Variants in CIBAR2 observed in about 807,000 individuals in gnomAD.
The protein encoded by CIBAR2 is CBY1 interacting BAR domain containing 2.
A neutral mutation model predicts 36.2 loss-of-function variants in CIBAR2; 38 were observed. The observed-to-expected ratio is 1.05, with a 90% CI of 0.81 to 1.38. CIBAR2 has a LOEUF of 1.38. CIBAR2 is among the 40% of genes most tolerant of loss of function. The pLI is 0.00. For synonymous variants in CIBAR2, 182 were observed against 149.5 expected (o/e 1.22, Z -1.58); for missense variants, 481 against 383.4 (o/e 1.25, Z -2.13).
intron 5 of CIBAR2, 91 bp from the exon 6 acceptor site, chr16:85,105,522 C>G: frequency 1.1e-6 from 1 of 926,794 alleles, no homozygotes; most frequent in East Asian, 2.5e-5. Context: ...CTAAACCCTT[C>G]TCTCAGGCCA....
At chr16:85,106,628 G>A (rs915021131) in intron 5 of CIBAR2, among the ~76,000 whole-genome samples, 12 of 152,196 alleles carry the variant, frequency 7.9e-5, no homozygotes, top group East Asian at 1.9e-4. Context: ...TGGAAAAGGC[G>A]AGGGCGCAGA....
At chr16:85,108,801 A>G (rs1481608369) in intron 2 of CIBAR2, among the ~76,000 whole-genome samples, 2 of 152,140 alleles carry the variant, frequency 1.3e-5, no homozygotes, top group Non-Finnish European at 2.9e-5. Flanking sequence ...TTGAACCTGC[A>G]AGGCTGGAGG....
chr16:85,105,197 A>C, intron 6 of CIBAR2, 130 bp downstream of exon 6: 1 of 557,804 alleles, frequency 1.8e-6, no homozygotes, highest in Non-Finnish European at 3.2e-6. Flanking sequence ...CACGCCTTCC[A>C]GTGCTCACAC....
In CIBAR2 at chr16:85,100,119, TCACCCACCCA is replaced by T; in HGVS notation, c.753+10_753+19del. The T allele has an allele frequency of 6.3e-7, 1 of 1,593,730 alleles. No individual in the cohort carries two copies. Among genetic ancestry groups the T allele is most frequent in the South Asian group, 1.1e-5 (1 of 88,244 alleles). ...TGCACGACATTTTAGGTGTAACCCC[TCACCCACCCA>T]CACGCTCACCTGGCTGGCGAGAGAC... On this transcript the variant is annotated intron_variant, in intron 8 of 8. Transcript: ENST00000539556.
chr16:85,104,208 G>A (rs919082451), intron 6 of CIBAR2, among the ~76,000 whole-genome samples: 5 of 152,232 alleles, frequency 3.3e-5, no homozygotes, highest in Admixed American at 3.3e-4. Flanking sequence ...GGCACCGACT[G>A]GACGCAGATC....
rs2074009654 is a variant in CIBAR2 at position 85,107,930 on chromosome 16, G to C, written c.342C>G (p.Phe114Leu). ...IKQTRAEIKK[F>L]KHVQNHEIKQ... Reference sequence around the variant, plus strand: ...TGATCTCATGATTTTGGACATGTTTGAATTTCTTGATCTCAGCCTGCAGAA... The same window carrying C: ...TGATCTCATGATTTTGGACATGTTTCAATTTCTTGATCTCAGCCTGCAGAA... The change falls in exon 4 of 9, where the codon TTC becomes TTG. Residue 114 changes from phenylalanine to leucine, a missense_variant. Coordinates refer to ENST00000539556, the MANE Select transcript of CIBAR2 (RefSeq NM_198491.3). 2 of 1,614,114 alleles carry C rather than the reference G, an allele frequency of 1.2e-6. No homozygotes were observed. The highest frequency in any genetic ancestry group is 1.7e-6 in the Non-Finnish European group (2 of 1,179,942).
rs539711201 is a variant in CIBAR2, at chr16:85,099,368, T to C, written c.754-22A>G. 10 of 1,323,422 alleles carry C rather than the reference T, an allele frequency of 7.6e-6. 1 individual carries two copies. Among genetic ancestry groups the C allele is most frequent in the Non-Finnish European group, 9.8e-6 (9 of 914,900 alleles). 82.0% of individuals were successfully genotyped at this position (1,323,422 alleles called of 1,614,324 possible). ...TTCCCTGCAGAAATATAAATGCACC[T>C]GATGGCAGGCCTTCCTGGGGCTGTA... On this transcript the variant is annotated intron_variant, in intron 8 of 8. Transcript: ENST00000539556.
intron 7 of CIBAR2, among the ~76,000 whole-genome samples, chr16:85,101,522 C>A (rs886934003): frequency 6.6e-6 from 1 of 152,056 alleles, no homozygotes; most frequent in South Asian, 2.1e-4. Context: ...ACTAGGCTTG[C>A]GGAAGGGTGT....
rs143063631 is a variant in CIBAR2 at position 85,110,404 on chromosome 16, C to T, written c.77G>A (p.Gly26Glu). ...GGCGGCCAGCAGCGAGCAGAACTGC[C>T]CAAAGTACTTCTCGGTGTTGGCCAC... ...NTVANTEKYF[G>E]QFCSLLAAYT... Residue 26 changes from glycine (G) to glutamate (E), a missense_variant, in exon 2 of 9, where the codon GGG (glycine) becomes GAG (glutamate). By Grantham distance (98) the Gly-to-Glu change is moderately conservative (BLOSUM62 -2). Transcript: ENST00000539556. 8.0e-5 allele frequency: 129 copies of T among 1,613,240 alleles called. No homozygotes were observed. In the African/African-American group the frequency reaches 1.6e-3, roughly 20 times the overall value.
intron 2 of CIBAR2, among the ~76,000 whole-genome samples, chr16:85,108,307 C>T (rs149393990): frequency 2.6e-4 from 40 of 152,330 alleles, no homozygotes; most frequent in African/African-American, 8.9e-4. Flanking sequence ...GCTCCAGCAA[C>T]GCATTCAGTC....
At chr16:85,110,495 C>G in intron 1 of CIBAR2, 35 bp from the exon 2 acceptor site, 2 of 1,491,368 alleles carry the variant, frequency 1.3e-6, no homozygotes, top group Non-Finnish European at 1.8e-6. Flanking sequence ...CCATTCTGGG[C>G]AGAGATGCAG....
At chr16:85,110,720 T>C (rs184984084) in intron 1 of CIBAR2, among the ~76,000 whole-genome samples, 2,975 of 135,222 alleles carry the variant, frequency 0.022, 89 homozygotes, top group Non-Finnish European at 0.035. Flanking sequence ...TTTTTTTTTT[T>C]TGGAGACAGA....
chr16:85,112,215 T>TC, intron 1 of CIBAR2, 118 bp downstream of exon 1: 1 of 586,626 alleles, frequency 1.7e-6, no homozygotes. Context: ...AGAGCTCCCC[T>TC]CACCCCCAAC....
intron 5 of CIBAR2, 38 bp from the exon 6 acceptor site, chr16:85,105,469 G>C (rs1360741124): frequency 5.4e-6 from 8 of 1,482,720 alleles, no homozygotes; most frequent in Non-Finnish European, 7.5e-6. Flanking sequence ...AGTGTCATGG[G>C]GGTGCTTCTG....
At chr16:85,101,645 T>C (rs1417941554) in intron 7 of CIBAR2, among the ~76,000 whole-genome samples, 1 of 151,566 alleles carries the variant, frequency 6.6e-6, no homozygotes, top group Non-Finnish European at 1.5e-5. Context: ...TGCTTTTTAT[T>C]GTTGTTGATC....
intron 2 of CIBAR2, among the ~76,000 whole-genome samples, chr16:85,109,328 G>A (rs1163540510): frequency 1.3e-5 from 2 of 152,154 alleles, no homozygotes; most frequent in Non-Finnish European, 2.9e-5. Context: ...GGATGTACTG[G>A]TGAGAAATGG....
rs1030256666 is a variant in CIBAR2 at position 85,099,128 on chromosome 16, C to T, written c.*57G>A. On this transcript the variant is annotated 3_prime_UTR_variant, in exon 9 of 9. Transcript: ENST00000539556. ...AAAGAATCAGAAAATAAGAACAAAG[C>T]CTCCAGGCAGTCTGGGATTATTTTA... 150 of 1,450,758 alleles carry T rather than the reference C, an allele frequency of 1.0e-4. No homozygotes were observed. The highest frequency in any genetic ancestry group is 1.3e-4 in the Non-Finnish European group (140 of 1,098,820). 89.9% of individuals were successfully genotyped at this position (1,450,758 alleles called of 1,614,324 possible).
intron 8 of CIBAR2, among the ~76,000 whole-genome samples, chr16:85,099,678 C>A (rs1293788953): frequency 6.6e-6 from 1 of 150,786 alleles, no homozygotes; most frequent in African/African-American, 2.4e-5. Flanking sequence ...GGCTGGAGTG[C>A]AATGGTACGA....
intron 3 of CIBAR2, 26 bp from the exon 4 acceptor site, chr16:85,107,973 C>A (rs760598196): frequency 3.7e-6 from 6 of 1,613,536 alleles, no homozygotes; most frequent in Non-Finnish European, 5.1e-6. Flanking sequence ...AGGGTTGTTT[C>A]CTGGGATCCC....
Sources: gnomAD v4.1 joint callset for allele counts (sites outside exome capture counted in the v4.1 genomes callset) on GRCh38, gnomAD v4.1.1 for gene constraint, MANE v1.5 for transcripts, NCBI Gene and HGNC (gene_info 2026-07-23, HGNC 2026-07-21) for gene names.